CELF2: variants seen among roughly 807,000 people sequenced by gnomAD.
CELF2 encodes the protein CUGBP Elav-like family member 2, also known as CUG triplet repeat RNA-binding protein 2.
Under a neutral mutation model 62.6 loss-of-function variants are expected in CELF2, and 8 were observed. That is an observed-to-expected ratio of 0.13 (90% CI 0.07 to 0.23). The LOEUF is 0.23. Ranked by LOEUF, CELF2 falls within the 10% of genes least tolerant of loss-of-function variation. The pLI, the probability that CELF2 is intolerant of heterozygous loss-of-function variation, is 1.00. For missense variants in CELF2, 333 were observed against 671.0 expected (o/e 0.50, Z 5.56); for synonymous variants, 258 against 250.0 (o/e 1.03, Z -0.30).
At position 11,156,101 on chromosome 10, in the gene CELF2, A is replaced by G. The variant is rs2064321015; in HGVS notation, c.75-9385A>G. 6.6e-6 allele frequency among the ~76,000 whole-genome samples: 1 copy of G among 152,208 alleles called. No individual in the cohort carries two copies. Among genetic ancestry groups the G allele is most frequent in the Non-Finnish European group, 1.5e-5 (1 of 68,036 alleles). The stretch of plus-strand genomic sequence containing the variant: ...AGGAAAGCCCACCAACCAGTTTTAT[A>G]TTAATAATAATGTAATGAGAACAAG... On this transcript the variant is annotated intron_variant, in intron 1 of 12. Coordinates refer to ENST00000633077, the MANE Select transcript of CELF2 (RefSeq NM_001326342.2). The surrounding 1 kb of genome is among the most constrained non-coding windows in gnomAD (Gnocchi z 4.3).
chr10:10,684,612 C>T, the CELF2 span, among the ~76,000 whole-genome samples: 2 of 152,086 alleles, frequency 1.3e-5, no homozygotes, highest in South Asian at 2.1e-4. Flanking sequence ...GGGCATGAGG[C>T]ATGCTCCTGT....
chr10:10,679,327 T>G, the CELF2 span, among the ~76,000 whole-genome samples: 2 of 152,228 alleles, frequency 1.3e-5, no homozygotes, highest in Non-Finnish European at 2.9e-5. Context: ...TCTCAATCTC[T>G]CTACCAGGCT....
chr10:10,552,096 G>A, the CELF2 span, among the ~76,000 whole-genome samples: 1 of 152,186 alleles, frequency 6.6e-6, no homozygotes, highest in East Asian at 1.9e-4. Flanking sequence ...CAGACAAAGC[G>A]GTTGCCTTGT....
chr10:10,601,740 TA>T, the CELF2 span, among the ~76,000 whole-genome samples: 1 of 151,506 alleles, frequency 6.6e-6, no homozygotes, highest in Non-Finnish European at 1.5e-5. Flanking sequence ...TTTTTTTTTT[TA>T]ATTTTAAGTT....
At chr10:11,154,973 A>C (rs961877759) in intron 1 of CELF2, among the ~76,000 whole-genome samples, 1 of 152,366 alleles carries the variant, frequency 6.6e-6, no homozygotes, top group African/African-American at 2.4e-5. Context: ...CAGTTGTTGC[A>C]TTGAATGACA....
intron 2 of CELF2, among the ~76,000 whole-genome samples, chr10:10,988,556 G>A (rs1359912123): frequency 1.3e-5 from 2 of 151,986 alleles, no homozygotes. Flanking sequence ...CTACATATTA[G>A]GTACAGTGTA....
At chr10:10,580,619 C>G in the CELF2 span, among the ~76,000 whole-genome samples, 1 of 152,146 alleles carries the variant, frequency 6.6e-6, no homozygotes, top group African/African-American at 2.4e-5. Flanking sequence ...TTGAAACCCA[C>G]AATTTTGAAA....
intron 2 of CELF2, among the ~76,000 whole-genome samples, chr10:10,981,068 C>T (rs764474084): frequency 6.6e-6 from 1 of 152,152 alleles, no homozygotes. Flanking sequence ...CAGAGAGAAC[C>T]CTTCTGCCAT....
intron 1 of CELF2, among the ~76,000 whole-genome samples, chr10:10,872,000 C>T (rs547283714): frequency 3.3e-5 from 5 of 152,280 alleles, no homozygotes; most frequent in African/African-American, 7.2e-5. Context: ...TTCAAAGAAG[C>T]TTATATCTTA....
At chr10:10,899,063 A>G (rs2062757236) in intron 1 of CELF2, among the ~76,000 whole-genome samples, 1 of 152,224 alleles carries the variant, frequency 6.6e-6, no homozygotes. Context: ...CAGCACATCC[A>G]AAGAATGCCC....
chr10:10,563,976 G>C, the CELF2 span, among the ~76,000 whole-genome samples: 1 of 152,328 alleles, frequency 6.6e-6, no homozygotes, highest in South Asian at 2.1e-4. Flanking sequence ...GTGGCTCAAA[G>C]TTTGAGGCTT....
At chr10:10,991,989 T>C (rs1455343402) in intron 2 of CELF2, among the ~76,000 whole-genome samples, 1 of 152,180 alleles carries the variant, frequency 6.6e-6, no homozygotes, top group East Asian at 1.9e-4. Flanking sequence ...TTATTGAGTA[T>C]CTACTGTGTG....
chr10:10,699,457 G>A, the CELF2 span, among the ~76,000 whole-genome samples: 3 of 152,196 alleles, frequency 2.0e-5, no homozygotes, highest in Admixed American at 6.5e-5. Flanking sequence ...TAGACAGTTA[G>A]CAAATTATTG....
chr10:11,195,314 A>G (rs530964814), intron 2 of CELF2, among the ~76,000 whole-genome samples: 1 of 152,330 alleles, frequency 6.6e-6, no homozygotes, highest in African/African-American at 2.4e-5. Context: ...GCAGGCACCA[A>G]GAGGAGGTTT....
the CELF2 span, among the ~76,000 whole-genome samples, chr10:10,487,151 C>T: frequency 6.6e-6 from 1 of 152,146 alleles, no homozygotes; most frequent in Admixed American, 6.5e-5. Context: ...AATGGGGATG[C>T]TGCAATGTCT....
the CELF2 span, among the ~76,000 whole-genome samples, chr10:10,563,865 T>C: frequency 6.6e-6 from 1 of 152,158 alleles, no homozygotes; most frequent in Non-Finnish European, 1.5e-5. Context: ...GCCTTAAAAA[T>C]AGTTAACACT....
intron 1 of CELF2, among the ~76,000 whole-genome samples, chr10:10,804,279 T>A (rs1279755336): frequency 6.6e-6 from 1 of 152,212 alleles, no homozygotes; most frequent in Non-Finnish European, 1.5e-5. Flanking sequence ...CAGCCATAGA[T>A]GGTATGTAAA....
At chr10:10,625,251 A>G in the CELF2 span, among the ~76,000 whole-genome samples, 1 of 152,214 alleles carries the variant, frequency 6.6e-6, no homozygotes, top group Non-Finnish European at 1.5e-5. Context: ...TCCACTTGCT[A>G]TATTATCTAA....
At chr10:10,480,045 T>C in the CELF2 span, among the ~76,000 whole-genome samples, 1 of 152,192 alleles carries the variant, frequency 6.6e-6, no homozygotes, top group East Asian at 1.9e-4. Context: ...ATTTCTGGCA[T>C]CTAGAATCTT....
Sources: gnomAD v4.1 joint callset for allele counts (sites outside exome capture counted in the v4.1 genomes callset) on GRCh38, gnomAD v4.1.1 for gene constraint, Gnocchi (gnomAD v3.1) non-coding constraint, MANE v1.5 for transcripts, NCBI Gene and HGNC (gene_info 2026-07-23, HGNC 2026-07-21) for gene names.